The following TMEM117 variants were observed in gnomAD, a reference collection of about 807,000 sequenced individuals.
TMEM117 encodes transmembrane protein 117.
TMEM117 carries 27 observed loss-of-function variants against 52.4 expected under a neutral mutation model. That is an observed-to-expected ratio of 0.51 (90% confidence interval 0.38 to 0.71). TMEM117 has a LOEUF of 0.71. Among genes scored for constraint, TMEM117 ranks in the 30% least tolerant of loss-of-function variants. The pLI is 0.00. For synonymous variants in TMEM117, 215 were observed against 206.3 expected (o/e 1.04, Z -0.36); for missense variants, 556 against 630.5 (o/e 0.88, Z 1.26).
intron 5 of TMEM117, among the ~76,000 whole-genome samples, chr12:44,246,557 TGCTACAA>T (rs1161379372): frequency 6.6e-6 from 1 of 152,214 alleles, no homozygotes; most frequent in Non-Finnish European, 1.5e-5. Flanking sequence ...CACTTTCTCC[TGCTACAA>T]GGAATTTAAG....
At chr12:44,083,556 C>A (rs1437627341) in intron 3 of TMEM117, 2 of 151,836 alleles carry the variant, frequency 1.3e-5, no homozygotes, top group Admixed American at 1.3e-4. Flanking sequence ...GCATGCACCA[C>A]CACGCCGGGC....
At chr12:44,244,606 A>G (rs192229100) in intron 5 of TMEM117, among the ~76,000 whole-genome samples, 3 of 152,050 alleles carry the variant, frequency 2.0e-5, no homozygotes, top group Admixed American at 2.0e-4. Flanking sequence ...TTAACCCCTT[A>G]TCAAATATAT....
intron 5 of TMEM117, among the ~76,000 whole-genome samples, chr12:44,282,450 G>A (rs886810948): frequency 1.3e-5 from 2 of 152,162 alleles, no homozygotes; most frequent in South Asian, 4.1e-4. Context: ...TGGACCATAA[G>A]GTCCAGGTGG....
chr12:43,827,040 T>C, the TMEM117 span, among the ~76,000 whole-genome samples: 1 of 151,222 alleles, frequency 6.6e-6, no homozygotes, highest in Non-Finnish European at 1.5e-5. Context: ...AAAAAATACA[T>C]TTAATCTAGT....
chr12:43,987,929 G>A (rs976166367), intron 3 of TMEM117, among the ~76,000 whole-genome samples: 5 of 151,876 alleles, frequency 3.3e-5, no homozygotes, highest in Admixed American at 3.3e-4. Context: ...AGATGGGGTG[G>A]GATCTTGTTT....
At chr12:44,206,032 G>A (rs1197181200) in intron 4 of TMEM117, among the ~76,000 whole-genome samples, 1 of 152,202 alleles carries the variant, frequency 6.6e-6, no homozygotes, top group Non-Finnish European at 1.5e-5. Context: ...TCAGAGCTGA[G>A]AGCCATGAAC....
chr12:44,111,841 T>TA (rs1213101875), intron 3 of TMEM117, among the ~76,000 whole-genome samples: 1 of 127,592 alleles, frequency 7.8e-6, no homozygotes, highest in African/African-American at 3.7e-5. Flanking sequence ...TGTGGGAGTC[T>TA]AAGTCTCTTT....
At chr12:43,916,771 A>T (rs1354776236) in intron 2 of TMEM117, among the ~76,000 whole-genome samples, 1 of 152,162 alleles carries the variant, frequency 6.6e-6, no homozygotes, top group African/African-American at 2.4e-5. Context: ...AAGTTTTCCT[A>T]CTTCATCCTA....
Position 44,099,824 on chromosome 12 carries a change from A to G in TMEM117, c.411-43701A>G, listed in dbSNP as rs544887064. The stretch of plus-strand genomic sequence containing the variant: ...GAGGAGCACTTTGAGAAGTCCACCA[A>G]AACAAGTGGGATATTAGTAAAAAGG... On this transcript the variant is annotated intron_variant, in intron 3 of 7. Transcript: ENST00000266534. 2.0e-5 allele frequency among the ~76,000 whole-genome samples: 3 copies of G among 152,082 alleles called. No individual in the cohort carries two copies. In the South Asian group the frequency reaches 6.2e-4, roughly 32 times the overall value.
intron 3 of TMEM117, among the ~76,000 whole-genome samples, chr12:43,971,058 C>A (rs1481962350): frequency 1.3e-5 from 2 of 152,114 alleles, no homozygotes; most frequent in African/African-American, 2.4e-5. Context: ...AGTTATGTAC[C>A]CAGTAGCTAA....
At chr12:44,006,722 A>T (rs1310445338) in intron 3 of TMEM117, among the ~76,000 whole-genome samples, 1 of 152,184 alleles carries the variant, frequency 6.6e-6, no homozygotes, top group Non-Finnish European at 1.5e-5. Flanking sequence ...ATAGGTAAAG[A>T]TATCTCATAG....
intron 4 of TMEM117, among the ~76,000 whole-genome samples, chr12:44,158,759 A>G (rs1423539800): frequency 1.3e-5 from 2 of 152,126 alleles, no homozygotes; most frequent in African/African-American, 4.8e-5. Context: ...TGCATTTGGG[A>G]ACTTTAAAAA....
At chr12:43,823,686 G>A in the TMEM117 span, among the ~76,000 whole-genome samples, 4 of 152,050 alleles carry the variant, frequency 2.6e-5, no homozygotes, top group South Asian at 2.1e-4. Context: ...GCTAATTTTT[G>A]TATTTTTAGT....
At chr12:43,837,454 C>G (rs1057142081) in intron 1 of TMEM117, among the ~76,000 whole-genome samples, 1 of 152,126 alleles carries the variant, frequency 6.6e-6, no homozygotes, top group African/African-American at 2.4e-5. Context: ...TCAAGGGATT[C>G]TCCTGCCTCG....
At chr12:43,915,627 T>G (rs975401057) in intron 2 of TMEM117, among the ~76,000 whole-genome samples, 7 of 152,234 alleles carry the variant, frequency 4.6e-5, no homozygotes, top group South Asian at 4.1e-4. Flanking sequence ...GCTCTAGAAT[T>G]GTCTAATTTA....
intron 4 of TMEM117, among the ~76,000 whole-genome samples, chr12:44,148,327 T>G (rs1476561643): frequency 6.6e-6 from 1 of 152,214 alleles, no homozygotes; most frequent in Non-Finnish European, 1.5e-5. Flanking sequence ...CTAAAAATGC[T>G]TTTGGATTAA....
intron 3 of TMEM117, among the ~76,000 whole-genome samples, chr12:44,051,697 T>C (rs964971296): frequency 5.9e-5 from 9 of 152,206 alleles, no homozygotes; most frequent in African/African-American, 2.2e-4. Flanking sequence ...ACTGTGTGAA[T>C]AGGGGCAGTG....
At chr12:44,173,517 G>A (rs1949077892) in intron 4 of TMEM117, among the ~76,000 whole-genome samples, 1 of 148,336 alleles carries the variant, frequency 6.7e-6, no homozygotes, top group African/African-American at 2.6e-5. Flanking sequence ...GAGTTTGGAT[G>A]TGGATGGTTT....
chr12:44,304,774 C>T lies in TMEM117; in HGVS notation c.768+5035C>T, dbSNP rs554521955. On this transcript the variant is annotated intron_variant, in intron 6 of 7. Transcript: ENST00000266534. ...CCTGGCAAGATTAATCACCCATTGTCTAAAGGGCCCTTGGGCCTTAAATGA... is the reference window on the plus strand; with the variant it reads ...CCTGGCAAGATTAATCACCCATTGTTTAAAGGGCCCTTGGGCCTTAAATGA... Among the ~76,000 whole-genome samples, 216 of 152,264 alleles carry T rather than the reference C, an allele frequency of 1.4e-3. 1 individual carries two copies. The highest frequency in any genetic ancestry group is 3.5e-3 in the Admixed American group (53 of 15,302).
Sources: allele counts gnomAD v4.1 joint callset (sites outside exome capture counted in the v4.1 genomes callset), GRCh38; gene constraint gnomAD v4.1.1; transcripts MANE v1.5; gene names NCBI Gene and HGNC (gene_info 2026-07-23, HGNC 2026-07-21).